Variants in GTF2H1 observed in about 807,000 individuals in gnomAD.
GTF2H1 encodes BTF2 p62.
GTF2H1 carries 16 observed loss-of-function variants against 71.2 expected under a neutral mutation model. That is an observed-to-expected ratio of 0.22 (90% CI 0.15 to 0.34). GTF2H1 has a LOEUF of 0.34. GTF2H1 is among the 10% of genes least tolerant of loss of function. GTF2H1 has a pLI of 1.00. For synonymous variants in GTF2H1, 215 were observed against 219.0 expected (o/e 0.98, Z 0.16); for missense variants, 498 against 648.2 (o/e 0.77, Z 2.52).
Position 18,333,042 on chromosome 11 carries a change from CTTTT to C in GTF2H1, c.-15-13_-15-10del. ...TGTGTGGAATAGTTTTTTTCTTCAT[CTTTT>C]TTTTCTCTCTTAGCACCTTCTAGCC... On this transcript the variant is annotated splice_polypyrimidine_tract_variant and intron_variant, in intron 1 of 14. Transcript: ENST00000265963. 3 of 1,550,930 alleles carry C rather than the reference CTTTT, an allele frequency of 1.9e-6. No individual in the cohort carries two copies. The highest frequency in any genetic ancestry group is 1.7e-6 in the Non-Finnish European group (2 of 1,150,862).
chr11:18,353,422 C>G (rs971510170), intron 11 of GTF2H1, among the ~76,000 whole-genome samples: 4 of 152,202 alleles, frequency 2.6e-5, no homozygotes, highest in Non-Finnish European at 4.4e-5. Context: ...CCCTTCCACA[C>G]ATGGCCAAGG....
intron 11 of GTF2H1, 53 bp from the exon 12 acceptor site, chr11:18,357,899 C>CAAA: frequency 6.8e-6 from 6 of 880,444 alleles, no homozygotes; most frequent in Admixed American, 2.2e-5. Context: ...AGAGAGGTGG[C>CAAA]AAAAAAAAAA....
intron 11 of GTF2H1, among the ~76,000 whole-genome samples, 190 bp downstream of exon 11, chr11:18,352,636 A>AGAT: frequency 6.6e-6 from 1 of 152,358 alleles, no homozygotes. Flanking sequence ...TCTGAAGATA[A>AGAT]GATGATAATG....
chr11:18,333,384 G>T, intron 2 of GTF2H1, 156 bp downstream of exon 2: 1 of 527,242 alleles, frequency 1.9e-6, no homozygotes, highest in Non-Finnish European at 3.2e-6. Flanking sequence ...TTTATAACCT[G>T]ACCTTTTCAC....
At chr11:18,362,366 A>G (rs1421964306) in intron 14 of GTF2H1, among the ~76,000 whole-genome samples, 1 of 152,224 alleles carries the variant, frequency 6.6e-6, no homozygotes, top group Non-Finnish European at 1.5e-5. Context: ...GTGAAGGCCT[A>G]GGACATTACT....
chr11:18,332,043 C>A (rs145776211), intron 1 of GTF2H1, among the ~76,000 whole-genome samples: 76 of 152,264 alleles, frequency 5.0e-4, no homozygotes, highest in African/African-American at 1.6e-3. Context: ...CAAGGCTGAT[C>A]TCAAACTCTT....
chr11:18,347,426 G>T (rs996065188), intron 7 of GTF2H1, 162 bp from the exon 8 acceptor site: 2 of 546,512 alleles, frequency 3.7e-6, no homozygotes, highest in South Asian at 5.7e-5. Context: ...AATCTTTTAT[G>T]TGCATAATGT....
intron 13 of GTF2H1, among the ~76,000 whole-genome samples, chr11:18,360,001 G>A (rs1865658932): frequency 6.6e-6 from 1 of 151,872 alleles, no homozygotes; most frequent in African/African-American, 2.4e-5. Flanking sequence ...TGAGCCTAGA[G>A]AGGTCAAAGC....
intron 1 of GTF2H1, among the ~76,000 whole-genome samples, chr11:18,328,750 C>A (rs897749112): frequency 1.4e-5 from 2 of 144,548 alleles, no homozygotes; most frequent in African/African-American, 5.2e-5. Flanking sequence ...CGCTTGAACC[C>A]GGGAGGCGGA....
intron 13 of GTF2H1, among the ~76,000 whole-genome samples, 190 bp from the exon 14 acceptor site, chr11:18,360,425 G>T (rs1218299585): frequency 6.6e-6 from 1 of 152,084 alleles, no homozygotes; most frequent in African/African-American, 2.4e-5. Context: ...CTGGCCAAAT[G>T]AGTATTTATG....
chr11:18,358,859 T>C (rs1166032514), intron 13 of GTF2H1, among the ~76,000 whole-genome samples: 2 of 152,174 alleles, frequency 1.3e-5, no homozygotes, highest in Non-Finnish European at 2.9e-5. Context: ...CCATAACTAA[T>C]AATCATACAA....
intron 7 of GTF2H1, among the ~76,000 whole-genome samples, chr11:18,346,257 G>T (rs1479760471): frequency 2.6e-5 from 4 of 152,138 alleles, no homozygotes; most frequent in African/African-American, 9.7e-5. Flanking sequence ...TCACTGTGTT[G>T]CCAGGCTGGA....
intron 3 of GTF2H1, among the ~76,000 whole-genome samples, chr11:18,336,169 T>C (rs1348659828): frequency 6.6e-6 from 1 of 151,662 alleles, no homozygotes; most frequent in Admixed American, 6.6e-5. Flanking sequence ...CTCTGTCGCC[T>C]AGGCTGGAGT....
At chr11:18,327,203 A>G (rs1022751275) in intron 1 of GTF2H1, among the ~76,000 whole-genome samples, 2 of 152,272 alleles carry the variant, frequency 1.3e-5, no homozygotes, top group East Asian at 3.9e-4. Context: ...TTACCTTTAT[A>G]AACATTTGGT....
At chr11:18,331,265 A>G (rs1325716879) in intron 1 of GTF2H1, among the ~76,000 whole-genome samples, 2 of 152,152 alleles carry the variant, frequency 1.3e-5, no homozygotes, top group African/African-American at 4.8e-5. Context: ...CATGTTGCCC[A>G]GACTGGTCTC....
chr11:18,340,877 T>A (rs546522390), intron 5 of GTF2H1, among the ~76,000 whole-genome samples: 2 of 152,290 alleles, frequency 1.3e-5, no homozygotes, highest in Non-Finnish European at 2.9e-5. Flanking sequence ...GCTGGAGTGC[T>A]GAGCTGACAG....
Position 18,335,740 on chromosome 11 carries a change from A to C in GTF2H1, c.155-14A>C. 2 of 1,606,376 alleles carry C rather than the reference A, an allele frequency of 1.2e-6. No individual in the cohort carries two copies. ...TGAGTGTCATCATCTAACTGCCCTC[A>C]TGCTTCTTTTTAGGCCAGAAAATTA... On this transcript the variant is annotated splice_polypyrimidine_tract_variant and intron_variant, in intron 2 of 14. Coordinates refer to ENST00000265963, the MANE Select transcript of GTF2H1 (RefSeq NM_005316.4).
chr11:18,348,398 C>T (rs1261912971), intron 9 of GTF2H1: 5 of 174,508 alleles, frequency 2.9e-5, no homozygotes, highest in Non-Finnish European at 6.0e-5. Flanking sequence ...ACAGAATTAG[C>T]TGCTTGTGTA....
chr11:18,352,811 G>A (rs766621773), intron 11 of GTF2H1, among the ~76,000 whole-genome samples: 4 of 152,090 alleles, frequency 2.6e-5, no homozygotes, highest in Non-Finnish European at 5.9e-5. Flanking sequence ...GTTTCTCTTC[G>A]TACTTCAGTT....
Sources: gnomAD v4.1 joint callset for allele counts (sites outside exome capture counted in the v4.1 genomes callset) on GRCh38, gnomAD v4.1.1 for gene constraint, MANE v1.5 for transcripts, NCBI Gene and HGNC (gene_info 2026-07-23, HGNC 2026-07-21) for gene names.